The following POLR1D variants were observed in gnomAD, a reference collection of about 807,000 sequenced individuals.
POLR1D encodes the protein RNA polymerase I and III subunit D.
Under a neutral mutation model 10.8 loss-of-function variants are expected in POLR1D, and 8 were observed. The ratio of observed to expected loss-of-function variants is 0.74; its 90% CI spans 0.43 to 1.33. The LOEUF (loss-of-function observed/expected upper bound fraction) is 1.33. Among genes scored for constraint, POLR1D ranks in the 40% most tolerant of loss-of-function variants. The probability of loss-of-function intolerance (pLI) is 0.01; values close to 1 mark genes in which losing one functional copy is unlikely to be tolerated. For synonymous variants in POLR1D, 54 were observed against 57.2 expected, an observed-to-expected ratio of 0.94 and a Z score of 0.25; for missense variants, 152 against 161.7, an observed-to-expected ratio of 0.94 and a Z score of 0.32.
At chr13:27,623,726 C>T (rs886688877), downstream of POLR1D, among the ~76,000 whole-genome samples, 2 of 152,078 alleles carry the variant, frequency 1.3e-5, no homozygotes, top group East Asian at 3.9e-4. Context: ...AACTTTTTGG[C>T]TTTTAAAGAA....
At chr13:27,658,121 A>G (rs1404000404) in intron 2 of POLR1D, among the ~76,000 whole-genome samples, 1 of 152,256 alleles carries the variant, frequency 6.6e-6, no homozygotes, top group Non-Finnish European at 1.5e-5. Context: ...GAAAGCTTCA[A>G]AAAATACTGA....
chr13:27,654,383 A>G (rs1225297063), intron 2 of POLR1D, among the ~76,000 whole-genome samples: 1 of 152,252 alleles, frequency 6.6e-6, no homozygotes, highest in Non-Finnish European at 1.5e-5. Context: ...GTGTCATTAT[A>G]TAATATTTTT....
downstream of POLR1D, among the ~76,000 whole-genome samples, chr13:27,624,444 TGCCATAGA>T (rs1398439226): frequency 6.6e-6 from 1 of 152,192 alleles, no homozygotes; most frequent in Non-Finnish European, 1.5e-5. Flanking sequence ...TACACTAGCG[TGCCATAGA>T]GCCTACATTT....
At chr13:27,630,099 G>A (rs1250858819) in intron 1 of POLR1D, among the ~76,000 whole-genome samples, 1 of 152,060 alleles carries the variant, frequency 6.6e-6, no homozygotes, top group East Asian at 1.9e-4. Context: ...TTTTAGTAGA[G>A]ACGGGGTTTC....
chr13:27,653,043 T>G (rs1956280873), intron 2 of POLR1D, among the ~76,000 whole-genome samples: 1 of 148,848 alleles, frequency 6.7e-6, no homozygotes, highest in South Asian at 2.1e-4. Context: ...GGATTACAGG[T>G]GCCCACCACC....
At chr13:27,630,382 A>G (rs1655481440) in intron 1 of POLR1D, among the ~76,000 whole-genome samples, 1 of 152,242 alleles carries the variant, frequency 6.6e-6, no homozygotes, top group African/African-American at 2.4e-5. Context: ...GAGAAAATCC[A>G]ACAGCCTGGA....
At chr13:27,640,936 A>G (rs1432974384) in intron 1 of POLR1D, among the ~76,000 whole-genome samples, 1 of 152,166 alleles carries the variant, frequency 6.6e-6, no homozygotes, top group Non-Finnish European at 1.5e-5. Context: ...ATCTATTATT[A>G]CTAATATTAC....
At chr13:27,662,011 C>G (rs2138573835) in intron 2 of POLR1D, among the ~76,000 whole-genome samples, 1 of 152,180 alleles carries the variant, frequency 6.6e-6, no homozygotes, top group East Asian at 1.9e-4. Flanking sequence ...AGTACCAAAA[C>G]TTTTAAATTT....
intron 1 of POLR1D, among the ~76,000 whole-genome samples, chr13:27,642,897 CTT>C (rs1395846050): frequency 1.3e-5 from 2 of 152,168 alleles, no homozygotes; most frequent in East Asian, 3.8e-4. Flanking sequence ...TCATCTATCT[CTT>C]TAGTTCATGT....
chr13:27,621,570 G>T (rs1170670374), upstream of POLR1D: 1 of 154,506 alleles, frequency 6.5e-6, no homozygotes, highest in Non-Finnish European at 1.4e-5. Context: ...TTGCCACTGG[G>T]AAGGGAAGTG....
intron 2 of POLR1D, chr13:27,650,339 A>G (rs559531418): frequency 3.1e-5 from 10 of 327,866 alleles, no homozygotes; most frequent in Non-Finnish European, 5.5e-5. Flanking sequence ...TCAGTGTTCA[A>G]AGTTTTTATT....
At chr13:27,662,712 G>A (rs1477918164) in intron 2 of POLR1D, among the ~76,000 whole-genome samples, 2 of 152,322 alleles carry the variant, frequency 1.3e-5, no homozygotes, top group East Asian at 3.9e-4. Context: ...GGAAACGAAT[G>A]CAAAGAGGAG....
chr13:27,640,896 A>C (rs1956166909), intron 1 of POLR1D, among the ~76,000 whole-genome samples: 1 of 152,128 alleles, frequency 6.6e-6, no homozygotes, highest in Non-Finnish European at 1.5e-5. Flanking sequence ...TATACTTTAA[A>C]TCATGTCTAG....
chr13:27,645,794 T>C (rs1022742223), intron 1 of POLR1D, among the ~76,000 whole-genome samples: 4 of 152,156 alleles, frequency 2.6e-5, no homozygotes, highest in African/African-American at 9.7e-5. Context: ...GTCTTTCTCA[T>C]ACATATATCT....
At chr13:27,637,917 C>T (rs1956140948) in intron 1 of POLR1D, among the ~76,000 whole-genome samples, 1 of 152,016 alleles carries the variant, frequency 6.6e-6, no homozygotes, top group Middle Eastern at 3.2e-3. Flanking sequence ...AAGCATGTGC[C>T]ACCACACTGG....
At chr13:27,659,073 A>G (rs1053188179) in intron 2 of POLR1D, among the ~76,000 whole-genome samples, 1 of 152,132 alleles carries the variant, frequency 6.6e-6, no homozygotes, top group Non-Finnish European at 1.5e-5. Context: ...CAATCTAGAG[A>G]TATGGAAGGA....
At chr13:27,659,029 CTT>C (rs1164978920) in intron 2 of POLR1D, among the ~76,000 whole-genome samples, 1 of 151,940 alleles carries the variant, frequency 6.6e-6, no homozygotes, top group African/African-American at 2.4e-5. Flanking sequence ...AGGGGAATGA[CTT>C]TTTTTTATGC....
chr13:27,634,919 C>T (rs1157871816), intron 1 of POLR1D, among the ~76,000 whole-genome samples: 1 of 152,110 alleles, frequency 6.6e-6, no homozygotes, highest in East Asian at 1.9e-4. Flanking sequence ...AACCTATCCA[C>T]CTGCCTTGGC....
At position 27,622,866 on chromosome 13, in the gene POLR1D, T is replaced by A; in HGVS notation, c.27-9T>A. On this transcript the variant is annotated splice_polypyrimidine_tract_variant and intron_variant, in intron 1 of 1. Coordinates refer to ENST00000302979, the MANE Select transcript of POLR1D (RefSeq NM_015972.4). ...TATGATCTCATTTTTATAAAAAATA[T>A]GTGTGTAGAAAAATATCTGGATTGA... 6.3e-7 allele frequency: 1 copy of A among 1,577,060 alleles called. No homozygotes were observed. The highest frequency in any genetic ancestry group is 8.7e-7 in the Non-Finnish European group (1 of 1,146,762).
Sources: gnomAD v4.1 joint callset for allele counts (sites outside exome capture counted in the v4.1 genomes callset) on GRCh38, gnomAD v4.1.1 for gene constraint, MANE v1.5 for transcripts, NCBI Gene and HGNC (gene_info 2026-07-23, HGNC 2026-07-21) for gene names.